ITPR1: variants seen among roughly 807,000 people sequenced by gnomAD.
The protein encoded by ITPR1 is inositol 1,4,5-trisphosphate receptor type 1.
A neutral mutation model predicts 318.4 loss-of-function variants in ITPR1; 96 were observed. That is an observed-to-expected ratio of 0.30 (90% confidence interval 0.26 to 0.36). ITPR1 has a LOEUF of 0.36. ITPR1 is among the 10% of genes least tolerant of loss of function. ITPR1 has a pLI of 1.00. For missense variants in ITPR1, 2,440 were observed against 3,460.2 expected, an observed-to-expected ratio of 0.71 and a Z score of 7.40; for synonymous variants, 1,312 against 1,289.9, an observed-to-expected ratio of 1.02 and a Z score of -0.37.
chr3:4,818,254 G>T lies in ITPR1; in HGVS notation c.8028+12G>T, dbSNP rs752147664. 6.4e-7 allele frequency: 1 copy of T among 1,556,586 alleles called. No homozygotes were observed. Among genetic ancestry groups the T allele is most frequent in the South Asian group, 1.2e-5 (1 of 84,700 alleles). On this transcript the variant is annotated intron_variant, in intron 60 of 61. Coordinates refer to ENST00000649015, the MANE Select transcript of ITPR1 (RefSeq NM_001378452.1). ...CAGAAATGATCAAGGTGAGTGGAAA[G>T]GCCTCCTGGGAGCAAGGTGGACTTG...
chr3:4,523,371 T>C (rs570847709), intron 4 of ITPR1, among the ~76,000 whole-genome samples: 1 of 152,340 alleles, frequency 6.6e-6, no homozygotes, highest in African/African-American at 2.4e-5. Context: ...AGAATATGCA[T>C]GTATAGTGGA....
intron 44 of ITPR1, among the ~76,000 whole-genome samples, chr3:4,754,057 GGT>G (rs371950075): frequency 0.011 from 1,464 of 131,050 alleles, 73 homozygotes; most frequent in African/African-American, 0.036. Flanking sequence ...ATGGGGGGGG[GGT>G]GGCAAGGATT....
At chr3:4,524,386 T>C (rs1247493562) in intron 4 of ITPR1, among the ~76,000 whole-genome samples, 1 of 149,660 alleles carries the variant, frequency 6.7e-6, no homozygotes, top group African/African-American at 2.5e-5. Flanking sequence ...AATATAAGTG[T>C]ATTTTGGAGC....
chr3:4,677,843 G>A (rs2094215244), intron 24 of ITPR1, among the ~76,000 whole-genome samples: 1 of 151,890 alleles, frequency 6.6e-6, no homozygotes, highest in Non-Finnish European at 1.5e-5. Context: ...TCCTTCTGTA[G>A]GCAAGCGGGG....
At chr3:4,834,730 C>T (rs372304480) in intron 60 of ITPR1, among the ~76,000 whole-genome samples, 53 of 152,254 alleles carry the variant, frequency 3.5e-4, no homozygotes, top group African/African-American at 6.5e-4. Flanking sequence ...TGCAGCTGCA[C>T]GGGAGAAAAC....
chr3:4,724,425 T>A (rs1401347311), intron 40 of ITPR1: 1 of 152,318 alleles, frequency 6.6e-6, no homozygotes, highest in South Asian at 2.1e-4. Context: ...ACTCATCTCA[T>A]GCTTTCAACA....
At chr3:4,712,963 A>G (rs1035268679) in intron 39 of ITPR1, among the ~76,000 whole-genome samples, 1 of 152,254 alleles carries the variant, frequency 6.6e-6, no homozygotes, top group African/African-American at 2.4e-5. Flanking sequence ...AAAACCTGCC[A>G]GACAAGAGTT....
In ITPR1 at chr3:4,665,269, C is replaced by T. The variant is rs1320878083; in HGVS notation, c.1686C>T (p.His562=). 64 of 1,613,398 alleles carry T rather than the reference C, an allele frequency of 4.0e-5. No homozygotes were observed. Among genetic ancestry groups the T allele is most frequent in the Non-Finnish European group, 5.3e-5 (63 of 1,179,490 alleles). ...ICRLCYRVLR[H]SQQDYRKNQE... ...GGCTCTGCTACAGGGTGCTGAGACA[C>T]TCGCAGCAAGACTACAGGAAGAACC... is the stretch of plus-strand genomic sequence containing the variant. Residue 562 remains histidine, a synonymous_variant, in exon 17 of 62, where the codon CAC becomes CAT. Transcript: ENST00000649015.
intron 24 of ITPR1, among the ~76,000 whole-genome samples, chr3:4,679,089 G>A (rs2125225255): frequency 6.6e-6 from 1 of 152,264 alleles, no homozygotes; most frequent in Admixed American, 6.5e-5. Context: ...CAGTAGGGGA[G>A]AACTCTATGA....
intron 4 of ITPR1, among the ~76,000 whole-genome samples, chr3:4,610,942 T>C (rs751603287): frequency 3.6e-5 from 2 of 55,598 alleles, no homozygotes; most frequent in Non-Finnish European, 3.2e-5. Context: ...TTCCCCTTCC[T>C]CTTCCCCTTC....
intron 28 of ITPR1, 47 bp downstream of exon 28, chr3:4,683,845 T>A (rs761823514): frequency 6.5e-7 from 1 of 1,545,300 alleles, no homozygotes. Context: ...GATGGGCTTC[T>A]CGAAACTAGG....
intron 47 of ITPR1, 41 bp from the exon 48 acceptor site, chr3:4,777,223 G>A: frequency 8.1e-7 from 1 of 1,233,520 alleles, no homozygotes; most frequent in Non-Finnish European, 1.2e-6. Flanking sequence ...TCTGATTTAT[G>A]ACCAGCGTTT....
intron 10 of ITPR1, among the ~76,000 whole-genome samples, chr3:4,650,806 G>C (rs1204614001): frequency 2.6e-5 from 4 of 152,064 alleles, no homozygotes; most frequent in African/African-American, 9.7e-5. Context: ...TGGGTCATTT[G>C]ATATTGTCTG....
intron 40 of ITPR1, among the ~76,000 whole-genome samples, chr3:4,720,137 G>A (rs1272059795): frequency 6.6e-6 from 1 of 152,224 alleles, no homozygotes; most frequent in Non-Finnish European, 1.5e-5. Context: ...ACTAATATTT[G>A]AGTGCCTGTT....
At chr3:4,622,769 C>G (rs1458183879) in intron 4 of ITPR1, among the ~76,000 whole-genome samples, 1 of 152,202 alleles carries the variant, frequency 6.6e-6, no homozygotes, top group African/African-American at 2.4e-5. Context: ...AAGCTTAGAG[C>G]TGAAAGTGAC....
intron 4 of ITPR1, among the ~76,000 whole-genome samples, chr3:4,566,597 GACACATGC>G (rs2087282881): frequency 1.0e-5 from 1 of 96,500 alleles, no homozygotes; most frequent in African/African-American, 4.3e-5. Flanking sequence ...CCTGAATGGG[GACACATGC>G]ACACACACAC....
chr3:4,846,236 G>A lies in ITPR1; in HGVS notation c.*11G>A. ...CAACAACCAGCATAAGCAAATGAAA[G>A]AAAGGAATTGTATTTACCTTTTATA... is the stretch of plus-strand genomic sequence containing the variant. On this transcript the variant is annotated 3_prime_UTR_variant, in exon 62 of 62. Transcript: ENST00000649015. The A allele has an allele frequency of 3.9e-6, 6 of 1,520,990 alleles. No individual in the cohort carries two copies. The highest frequency in any genetic ancestry group is 5.4e-6 in the Non-Finnish European group (6 of 1,118,040). 94.2% of individuals were successfully genotyped at this position (1,520,990 alleles called of 1,614,324 possible).
intron 4 of ITPR1, among the ~76,000 whole-genome samples, chr3:4,544,136 C>T (rs929332312): frequency 6.6e-6 from 1 of 152,098 alleles, no homozygotes; most frequent in Admixed American, 6.5e-5. Context: ...ATGCTTATTC[C>T]TAGCTGCAGA....
In ITPR1 at chr3:4,683,372, T is replaced by C; in HGVS notation, c.3162-14T>C. The C allele has an allele frequency of 6.2e-7, 1 of 1,613,980 alleles. No homozygotes were observed. Among genetic ancestry groups the C allele is most frequent in the Non-Finnish European group, 8.5e-7 (1 of 1,179,830 alleles). On this transcript the variant is annotated splice_polypyrimidine_tract_variant and intron_variant, in intron 26 of 61. Transcript: ENST00000649015. Reference sequence around the variant, plus strand: ...GTCATTCATTTGGCCTTTCCCCACCTTGTGCTCCTTTAGTGAGGAGAACAC... The same window carrying C: ...GTCATTCATTTGGCCTTTCCCCACCCTGTGCTCCTTTAGTGAGGAGAACAC...
Sources: gnomAD v4.1 joint callset for allele counts (sites outside exome capture counted in the v4.1 genomes callset) on GRCh38, gnomAD v4.1.1 for gene constraint, MANE v1.5 for transcripts, NCBI Gene and HGNC (gene_info 2026-07-23, HGNC 2026-07-21) for gene names.